ATG7: variants seen among roughly 807,000 people sequenced by gnomAD.
The protein encoded by ATG7 is ubiquitin-like modifier-activating enzyme ATG7.
In ATG7, 70 loss-of-function variants were observed where a neutral mutation model predicts 82.4. The ratio of observed to expected loss-of-function variants is 0.85; its 90% CI spans 0.70 to 1.04. The LOEUF (loss-of-function observed/expected upper bound fraction) is 1.04. Among genes scored for constraint, ATG7 ranks in the 50% least tolerant of loss-of-function variants. The pLI, the probability that ATG7 is intolerant of heterozygous loss-of-function variation, is 0.00. For missense variants in ATG7, 792 were observed against 864.3 expected (o/e 0.92, Z 1.05); for synonymous variants, 287 against 313.0 (o/e 0.92, Z 0.88).
intron 20 of ATG7, among the ~76,000 whole-genome samples, chr3:11,475,725 T>C (rs749589001): frequency 3.9e-5 from 6 of 152,182 alleles, no homozygotes; most frequent in Non-Finnish European, 8.8e-5. Flanking sequence ...AGTGTCAGAA[T>C]TGAATTCCTA....
chr3:11,368,128 A>T (rs1367220056), intron 18 of ATG7, among the ~76,000 whole-genome samples: 1 of 149,834 alleles, frequency 6.7e-6, no homozygotes, highest in Non-Finnish European at 1.5e-5. Context: ...ATCATATAGT[A>T]TATACTCTTT....
At chr3:11,558,467 C>T, downstream of ATG7, 1 of 1,290,438 alleles carries the variant, frequency 7.7e-7, no homozygotes, top group South Asian at 1.3e-5. Flanking sequence ...CCCCACCCCA[C>T]CCCCATGATT....
At chr3:11,406,298 G>A (rs1412997298) in intron 19 of ATG7, among the ~76,000 whole-genome samples, 2 of 151,876 alleles carry the variant, frequency 1.3e-5, no homozygotes, top group African/African-American at 4.8e-5. Context: ...CCCATATGTA[G>A]CATTTCTATT....
chr3:11,538,787 T>TACC (rs1235981928), intron 20 of ATG7, among the ~76,000 whole-genome samples: 2 of 133,832 alleles, frequency 1.5e-5, no homozygotes, highest in Non-Finnish European at 3.1e-5. Flanking sequence ...GATGGGAGGA[T>TACC]CACCTGAGCC....
At chr3:11,278,964 A>G (rs531705764) in intron 1 of ATG7, among the ~76,000 whole-genome samples, 1 of 152,178 alleles carries the variant, frequency 6.6e-6, no homozygotes, top group Non-Finnish European at 1.5e-5. Flanking sequence ...GATGATGGGT[A>G]TGTGGAGGTG....
chr3:11,369,053 A>G lies in ATG7; in HGVS notation c.1875+4319A>G, dbSNP rs1283475755. Among the ~76,000 whole-genome samples the G allele has an allele frequency of 2.0e-5, 3 of 150,880 alleles. 1 individual carries two copies. Among genetic ancestry groups the G allele is most frequent in the African/African-American group, 7.3e-5 (3 of 40,852 alleles). ...ACCTGGCCTGGGAAAACTCTAATTG[A>G]GTCACATGCTGAGGTGGAGCTGGGA... On this transcript the variant is annotated intron_variant, in intron 18 of 20. Transcript: ENST00000693202.
At chr3:11,395,903 A>G (rs1345272820) in intron 19 of ATG7, among the ~76,000 whole-genome samples, 25 of 138,738 alleles carry the variant, frequency 1.8e-4, no homozygotes, top group African/African-American at 3.5e-4. Flanking sequence ...TCACACCACT[A>G]TACTCCAGCC....
At chr3:11,407,007 C>G (rs1198505147) in intron 19 of ATG7, among the ~76,000 whole-genome samples, 1 of 152,210 alleles carries the variant, frequency 6.6e-6, no homozygotes, top group Non-Finnish European at 1.5e-5. Context: ...CCCCCAAAGT[C>G]TCAACTAATT....
intron 20 of ATG7, among the ~76,000 whole-genome samples, chr3:11,483,426 C>A (rs755474183): frequency 6.6e-6 from 1 of 152,092 alleles, no homozygotes; most frequent in Non-Finnish European, 1.5e-5. Flanking sequence ...CTTTTTCTGT[C>A]AAAGTAGGAT....
intron 20 of ATG7, among the ~76,000 whole-genome samples, chr3:11,553,011 ACTG>A (rs1260536966): frequency 1.3e-5 from 2 of 152,146 alleles, no homozygotes; most frequent in Non-Finnish European, 2.9e-5. Context: ...TGCAGAGGGC[ACTG>A]CTGTTTGGTA....
chr3:11,574,429 T>C, the ATG7 span, among the ~76,000 whole-genome samples: 2 of 152,026 alleles, frequency 1.3e-5, no homozygotes, highest in African/African-American at 2.4e-5. Flanking sequence ...AGACCAGAGC[T>C]GGGCAGGCCA....
At chr3:11,527,035 GTA>G (rs201101842) in intron 20 of ATG7, among the ~76,000 whole-genome samples, 125 of 130,412 alleles carry the variant, frequency 9.6e-4, no homozygotes, top group Middle Eastern at 3.9e-3. Context: ...ATGTGTGTGT[GTA>G]TATATGTGTG....
chr3:11,511,284 T>G, intron 20 of ATG7, among the ~76,000 whole-genome samples: 1 of 152,164 alleles, frequency 6.6e-6, no homozygotes, highest in Non-Finnish European at 1.5e-5. Context: ...GTCAGGGCGC[T>G]GATTGGTGCG....
At chr3:11,510,434 G>A (rs2091993242) in intron 20 of ATG7, 3 of 366,386 alleles carry the variant, frequency 8.2e-6, no homozygotes, top group East Asian at 7.9e-5. Flanking sequence ...GGCCTCATTC[G>A]AGGTCTTCTT....
intron 20 of ATG7, among the ~76,000 whole-genome samples, chr3:11,457,586 G>T (rs140186733): frequency 1.3e-5 from 2 of 152,274 alleles, no homozygotes; most frequent in East Asian, 1.9e-4. Context: ...TTTGCCTCCG[G>T]ATCAGGGGGA....
chr3:11,395,015 G>A (rs2079097459), intron 19 of ATG7, among the ~76,000 whole-genome samples: 1 of 152,094 alleles, frequency 6.6e-6, no homozygotes, highest in Admixed American at 6.6e-5. Flanking sequence ...TATTCTTACA[G>A]CATTAAAGGA....
intron 19 of ATG7, among the ~76,000 whole-genome samples, chr3:11,392,471 CAAAA>C (rs386395940): frequency 2.7e-4 from 41 of 149,366 alleles, no homozygotes; most frequent in African/African-American, 8.9e-4. Context: ...AAAAAACAAA[CAAAA>C]AAAACAAAAC....
chr3:11,376,114 T>C lies in ATG7; in HGVS notation c.1876-3858T>C, dbSNP rs1273691609. 2.6e-5 allele frequency among the ~76,000 whole-genome samples: 4 copies of C among 152,216 alleles called. No homozygotes were observed. The South Asian group carries it at 8.3e-4, about 32-fold the overall frequency. On this transcript the variant is annotated intron_variant, in intron 18 of 20. Coordinates refer to ENST00000693202, the MANE Select transcript of ATG7 (RefSeq NM_001349232.2). Reference sequence around the variant, plus strand: ...GTGAAGCCAGTCATGTGTGATTTCATTTATAGTAAATAAGCAGAATAGGTA... The same window carrying C: ...GTGAAGCCAGTCATGTGTGATTTCACTTATAGTAAATAAGCAGAATAGGTA...
intron 20 of ATG7, among the ~76,000 whole-genome samples, chr3:11,523,991 G>C (rs181219987): frequency 4.6e-4 from 70 of 152,342 alleles, no homozygotes; most frequent in South Asian, 1.9e-3. Flanking sequence ...GACACTAGCT[G>C]TGGGAACTCT....
Sources: allele counts gnomAD v4.1 joint callset (sites outside exome capture counted in the v4.1 genomes callset), GRCh38; gene constraint gnomAD v4.1.1; transcripts MANE v1.5; gene names NCBI Gene and HGNC (gene_info 2026-07-23, HGNC 2026-07-21).